The following DGAT2L6 variants were observed in gnomAD, a reference collection of about 807,000 sequenced individuals.
DGAT2L6 encodes diacylglycerol O-acyltransferase 2 like 6, also known as diacylglycerol O-acyltransferase 2-like protein 6.
Under a neutral mutation model 25.5 loss-of-function variants are expected in DGAT2L6, and 22 were observed. The ratio of observed to expected loss-of-function variants is 0.86; its 90% confidence interval spans 0.62 to 1.23. The LOEUF (loss-of-function observed/expected upper bound fraction) is 1.23, where lower values mean the gene tolerates loss of function less well. Among genes scored for constraint, DGAT2L6 ranks in the 50% most tolerant of loss-of-function variants. The pLI, the probability that DGAT2L6 is intolerant of heterozygous loss-of-function variation, is 0.00. For synonymous variants in DGAT2L6, 100 were observed against 94.7 expected, an observed-to-expected ratio of 1.06 and a Z score of -0.32; for missense variants, 287 against 253.2, an observed-to-expected ratio of 1.13 and a Z score of -0.91.
chrX:70,179,084 T>C (rs2085335334), intron 1 of DGAT2L6, among the ~76,000 whole-genome samples: 1 of 112,061 alleles, frequency 8.9e-6, no homozygotes, highest in East Asian at 2.8e-4. Flanking sequence ...GCGTATTTTA[T>C]TTTGTGCATT....
intron 1 of DGAT2L6, among the ~76,000 whole-genome samples, chrX:70,197,469 C>T (rs762311674): frequency 1.8e-5 from 2 of 111,819 alleles, no homozygotes; most frequent in South Asian, 7.5e-4. Flanking sequence ...GCCTTTAGGA[C>T]TGGTGGATGA....
intron 1 of DGAT2L6, among the ~76,000 whole-genome samples, chrX:70,186,020 C>A (rs1483459270): frequency 9.0e-6 from 1 of 111,574 alleles, no homozygotes; most frequent in Non-Finnish European, 1.9e-5. Context: ...TCACCTTACA[C>A]TGGAAATAAC....
At position 70,177,645 on chromosome X, in the gene DGAT2L6, G is replaced by C; in HGVS notation, c.63G>C (p.Trp21Cys). Residue 21 changes from tryptophan to cysteine, a missense_variant, in exon 1 of 7, where the codon TGG becomes TGC. Transcript: ENST00000333026. ...EGLQTFFVLQWIPVYIFLGAI... is the reference protein window; with the variant it reads ...EGLQTFFVLQCIPVYIFLGAI... Reference sequence around the variant, plus strand: ...TCCAAACCTTCTTTGTTTTGCAATGGATCCCAGTCTATATATTTTTAGGTG... The same window carrying C: ...TCCAAACCTTCTTTGTTTTGCAATGCATCCCAGTCTATATATTTTTAGGTG... 8.3e-7 allele frequency: 1 copy of C among 1,209,604 alleles called. No individual in the cohort carries two copies. Among genetic ancestry groups the C allele is most frequent in the Non-Finnish European group, 1.1e-6 (1 of 894,079 alleles).
chrX:70,199,426 G>C, intron 2 of DGAT2L6, 45 bp downstream of exon 2: 1 of 994,966 alleles, frequency 1.0e-6, no homozygotes, highest in South Asian at 2.2e-5. Context: ...GGCCAAGAAT[G>C]GAAGGACAGG....
intron 1 of DGAT2L6, among the ~76,000 whole-genome samples, chrX:70,188,414 C>T (rs2085365805): frequency 1.8e-5 from 2 of 111,605 alleles, no homozygotes; most frequent in African/African-American, 6.5e-5. Flanking sequence ...TCCTTGACAA[C>T]TACAATCAAT....
At chrX:70,200,990 A>T (rs1469297546) in intron 4 of DGAT2L6, among the ~76,000 whole-genome samples, 2 of 112,254 alleles carry the variant, frequency 1.8e-5, no homozygotes, top group African/African-American at 6.5e-5. Context: ...TAAGGGATAA[A>T]GGATAGGAGT....
At chrX:70,196,232 C>A (rs1282574346) in intron 1 of DGAT2L6, among the ~76,000 whole-genome samples, 4 of 109,952 alleles carry the variant, frequency 3.6e-5, no homozygotes, top group South Asian at 7.8e-4. Flanking sequence ...AATCCCAGCA[C>A]TTTGGGAGGC....
At chrX:70,202,151 T>G in intron 5 of DGAT2L6, 87 bp downstream of exon 5, 1 of 857,956 alleles carries the variant, frequency 1.2e-6, no homozygotes, top group Middle Eastern at 3.7e-4. Flanking sequence ...CCTGGGCACC[T>G]GTTAGAGGGC....
intron 1 of DGAT2L6, among the ~76,000 whole-genome samples, chrX:70,198,645 C>T (rs768150551): frequency 3.3e-4 from 37 of 111,371 alleles, no homozygotes; most frequent in Non-Finnish European, 6.2e-4. Flanking sequence ...TGGGTTCAAG[C>T]GATTCTCCTG....
intron 5 of DGAT2L6, among the ~76,000 whole-genome samples, chrX:70,203,405 T>G (rs934014383): frequency 2.1e-4 from 23 of 112,024 alleles, no homozygotes; most frequent in African/African-American, 7.5e-4. Flanking sequence ...CACCAATTTA[T>G]GGAAAGATCT....
chrX:70,200,126 G>T, intron 3 of DGAT2L6, 129 bp from the exon 4 acceptor site: 1 of 708,409 alleles, frequency 1.4e-6, no homozygotes, highest in East Asian at 3.4e-5. Context: ...CTATGACAAT[G>T]ATGACAACCT....
chrX:70,196,955 T>C (rs2085394061), intron 1 of DGAT2L6, among the ~76,000 whole-genome samples: 2 of 111,977 alleles, frequency 1.8e-5, no homozygotes, highest in Non-Finnish European at 3.8e-5. Flanking sequence ...GAGCTACCAA[T>C]GCGCATATAT....
At chrX:70,178,111 G>A (rs1394594836) in intron 1 of DGAT2L6, among the ~76,000 whole-genome samples, 1 of 108,220 alleles carries the variant, frequency 9.2e-6, no homozygotes, top group East Asian at 2.9e-4. Context: ...ACTCCAGCCT[G>A]GGTGACAGAG....
intron 3 of DGAT2L6, 92 bp downstream of exon 3, chrX:70,199,974 G>T: frequency 1.1e-6 from 1 of 935,121 alleles, no homozygotes. Flanking sequence ...TTGGTGGTCA[G>T]CAGCGAAGGT....
chrX:70,201,664 G>C (rs62605184), intron 4 of DGAT2L6, among the ~76,000 whole-genome samples: 12,011 of 110,165 alleles, frequency 0.11, 817 homozygotes, highest in African/African-American at 0.24. Flanking sequence ...GCTCAGTATA[G>C]ACCCAACTGC....
intron 1 of DGAT2L6, among the ~76,000 whole-genome samples, chrX:70,192,243 C>G (rs1219596735): frequency 1.8e-5 from 2 of 111,496 alleles, no homozygotes; most frequent in African/African-American, 6.5e-5. Context: ...CAAAATGAGA[C>G]CCCATCTCTA....
chrX:70,204,040 G>A (rs990366334), intron 5 of DGAT2L6, among the ~76,000 whole-genome samples: 4 of 111,405 alleles, frequency 3.6e-5, no homozygotes, highest in South Asian at 3.8e-4. Context: ...TGCAGTTTAC[G>A]AAGAACACTC....
chrX:70,178,422 G>T (rs1320381365), intron 1 of DGAT2L6, among the ~76,000 whole-genome samples: 9 of 111,161 alleles, frequency 8.1e-5, no homozygotes, highest in African/African-American at 2.6e-4. Context: ...CCCACCCAAG[G>T]CTCTTCTGAG....
intron 1 of DGAT2L6, among the ~76,000 whole-genome samples, chrX:70,180,459 GTAAAAAA>G (rs2085340028): frequency 9.1e-6 from 1 of 110,111 alleles, no homozygotes; most frequent in Admixed American, 9.7e-5. Context: ...AACAAAAAAA[GTAAAAAA>G]TAAAAAATAA....
Sources: allele counts gnomAD v4.1 joint callset (sites outside exome capture counted in the v4.1 genomes callset), GRCh38; gene constraint gnomAD v4.1.1; transcripts MANE v1.5; gene names NCBI Gene and HGNC (gene_info 2026-07-23, HGNC 2026-07-21).